EYS: variants seen among roughly 807,000 people sequenced by gnomAD.
The protein encoded by EYS is EGF-like photoreceptor maintenance factor.
EYS carries 250 observed loss-of-function variants against 282.1 expected under a neutral mutation model. The observed-to-expected ratio is 0.89, with a 90% CI of 0.80 to 0.98. The LOEUF (loss-of-function observed/expected upper bound fraction) is 0.98. Among genes scored for constraint, EYS ranks in the 50% least tolerant of loss-of-function variants. EYS has a pLI of 0.00. For missense variants in EYS, 4,016 were observed against 3,709.0 expected, an observed-to-expected ratio of 1.08 and a Z score of -2.15; for synonymous variants, 1,355 against 1,282.9, an observed-to-expected ratio of 1.06 and a Z score of -1.20.
intron 36 of EYS, among the ~76,000 whole-genome samples, chr6:63,859,319 G>A (rs1772477320): frequency 6.6e-6 from 1 of 151,728 alleles, no homozygotes; most frequent in South Asian, 2.1e-4. Flanking sequence ...CATTGAAATT[G>A]AAGTACAGAG....
At chr6:64,344,125 G>C (rs548386371) in intron 29 of EYS, among the ~76,000 whole-genome samples, 163 of 152,106 alleles carry the variant, frequency 1.1e-3, no homozygotes, top group Middle Eastern at 3.4e-3. Context: ...TTCTACCAGA[G>C]GTATAAGGAG....
chr6:64,825,804 A>G (rs980866316), intron 19 of EYS, among the ~76,000 whole-genome samples: 1 of 151,994 alleles, frequency 6.6e-6, no homozygotes, highest in South Asian at 2.1e-4. Context: ...GATCTCCCAC[A>G]AATAATTACC....
intron 31 of EYS, among the ~76,000 whole-genome samples, chr6:64,213,625 T>G (rs1765848893): frequency 6.6e-6 from 1 of 152,174 alleles, no homozygotes; most frequent in Admixed American, 6.6e-5. Context: ...TTTCTGGCTT[T>G]GAATTAAATG....
At chr6:64,553,286 G>A (rs1045298297) in intron 26 of EYS, among the ~76,000 whole-genome samples, 5 of 152,174 alleles carry the variant, frequency 3.3e-5, no homozygotes, top group South Asian at 2.1e-4. Context: ...CATAGTAAGC[G>A]ATTTTAGTTT....
chr6:65,553,232 A>G (rs537450137), intron 2 of EYS, among the ~76,000 whole-genome samples: 1 of 152,298 alleles, frequency 6.6e-6, no homozygotes, highest in South Asian at 2.1e-4. Flanking sequence ...GAAACAGCAT[A>G]TTGTAATGTG....
intron 22 of EYS, among the ~76,000 whole-genome samples, chr6:64,639,950 A>C (rs1250933285): frequency 5.1e-5 from 7 of 138,046 alleles, no homozygotes; most frequent in African/African-American, 1.6e-4. Flanking sequence ...ATGCAGCCAA[A>C]AGACACATGA....
intron 22 of EYS, among the ~76,000 whole-genome samples, chr6:64,711,800 C>T (rs911391936): frequency 1.3e-5 from 2 of 152,134 alleles, no homozygotes; most frequent in South Asian, 4.1e-4. Flanking sequence ...TTGTCTCTTC[C>T]CCGAAGTCAG....
At chr6:65,242,834 T>C (rs1389691716) in intron 12 of EYS, among the ~76,000 whole-genome samples, 1 of 152,150 alleles carries the variant, frequency 6.6e-6, no homozygotes, top group African/African-American at 2.4e-5. Context: ...GGTAGCGTTT[T>C]CAAGTTTAGA....
intron 33 of EYS, among the ~76,000 whole-genome samples, chr6:64,060,158 A>G (rs1261916885): frequency 1.3e-5 from 2 of 152,208 alleles, no homozygotes; most frequent in Admixed American, 6.6e-5. Flanking sequence ...GACTACCAGC[A>G]TGCAATCCAT....
intron 5 of EYS, among the ~76,000 whole-genome samples, chr6:65,473,194 G>A (rs1296114197): frequency 1.3e-5 from 2 of 151,716 alleles, no homozygotes; most frequent in African/African-American, 4.8e-5. Flanking sequence ...AAAAGGTAAG[G>A]GACTGTATGG....
At chr6:65,369,318 A>ATATATATATTAATATATATAT (rs1562127774) in intron 8 of EYS, among the ~76,000 whole-genome samples, 1 of 51,626 alleles carries the variant, frequency 1.9e-5, no homozygotes. Flanking sequence ...TATATATATT[A>ATATATATATTAATATATATAT]TATATATATA....
chr6:64,862,453 C>T (rs1276889563), intron 19 of EYS, among the ~76,000 whole-genome samples: 1 of 152,098 alleles, frequency 6.6e-6, no homozygotes, highest in Non-Finnish European at 1.5e-5. Flanking sequence ...TTTGATATTG[C>T]TCAATATTTC....
intron 34 of EYS, among the ~76,000 whole-genome samples, chr6:63,986,152 C>T (rs1767353122): frequency 6.6e-6 from 1 of 151,544 alleles, no homozygotes; most frequent in Non-Finnish European, 1.5e-5. Context: ...ATACATGCGG[C>T]CAAAAAGCAT....
intron 28 of EYS, among the ~76,000 whole-genome samples, chr6:64,395,983 T>C (rs1307788085): frequency 6.6e-6 from 1 of 151,868 alleles, no homozygotes; most frequent in Non-Finnish European, 1.5e-5. Flanking sequence ...ATTGTGAACA[T>C]AGTCAAGTAA....
At chr6:65,554,244 T>C (rs967218243) in intron 2 of EYS, among the ~76,000 whole-genome samples, 6 of 152,194 alleles carry the variant, frequency 3.9e-5, no homozygotes, top group Admixed American at 3.9e-4. Context: ...GATACAAAGA[T>C]ACTTTCCCTT....
intron 19 of EYS, among the ~76,000 whole-genome samples, chr6:64,850,465 G>A (rs540059208): frequency 2.0e-4 from 31 of 152,132 alleles, no homozygotes; most frequent in African/African-American, 6.7e-4. Flanking sequence ...AACTTGAAAT[G>A]AGATATGGTA....
chr6:65,378,489 A>G (rs1463039849), intron 8 of EYS, among the ~76,000 whole-genome samples: 3 of 152,148 alleles, frequency 2.0e-5, no homozygotes, highest in African/African-American at 7.2e-5. Flanking sequence ...TTCCTCAAGG[A>G]TCTGGAACTA....
rs549169176 is a variant in EYS at position 64,762,682 on chromosome 6, T to TGC, written c.3443+50694_3443+50695dup. 6.0e-5 allele frequency among the ~76,000 whole-genome samples: 9 copies of TGC among 150,996 alleles called. No individual in the cohort carries two copies. The East Asian group carries it at 1.8e-3, about 30-fold the overall frequency. ...GTTGGAGAATGTAAACACACACACATGCACACACACACACACACTCACAAC... is the reference window on the plus strand; with the variant it reads ...GTTGGAGAATGTAAACACACACACATGCGCACACACACACACACACTCACAAC... On this transcript the variant is annotated intron_variant, in intron 22 of 42. Transcript: ENST00000503581.
intron 31 of EYS, among the ~76,000 whole-genome samples, chr6:64,154,160 G>C (rs1774835453): frequency 6.6e-6 from 1 of 152,120 alleles, no homozygotes; most frequent in South Asian, 2.1e-4. Flanking sequence ...AAATTGCCAG[G>C]CTGGGAGCGG....
Sources: gnomAD v4.1 joint callset for allele counts (sites outside exome capture counted in the v4.1 genomes callset) on GRCh38, gnomAD v4.1.1 for gene constraint, MANE v1.5 for transcripts, NCBI Gene and HGNC (gene_info 2026-07-23, HGNC 2026-07-21) for gene names.